GALNT13: variants seen among roughly 807,000 people sequenced by gnomAD.
The protein encoded by GALNT13 is UDP-GalNAc:polypeptide N-acetylgalactosaminyltransferase 13.
Under a neutral mutation model 64.2 loss-of-function variants are expected in GALNT13, and 28 were observed. The ratio of observed to expected loss-of-function variants is 0.44; its 90% CI spans 0.32 to 0.60. GALNT13 has a LOEUF of 0.60. Among genes scored for constraint, GALNT13 ranks in the 20% least tolerant of loss-of-function variants. The probability of loss-of-function intolerance (pLI) is 0.05; values close to 1 mark genes in which losing one functional copy is unlikely to be tolerated. For synonymous variants in GALNT13, 214 were observed against 224.6 expected (o/e 0.95, Z 0.42); for missense variants, 577 against 669.8 (o/e 0.86, Z 1.53).
intron 3 of GALNT13, among the ~76,000 whole-genome samples, chr2:153,964,532 T>C (rs1488529101): frequency 6.6e-6 from 1 of 152,156 alleles, no homozygotes; most frequent in Non-Finnish European, 1.5e-5. Context: ...ATAATTTAGT[T>C]ATGAATATTG....
intron 4 of GALNT13, among the ~76,000 whole-genome samples, chr2:154,180,430 A>G (rs995940648): frequency 6.6e-6 from 1 of 151,550 alleles, no homozygotes; most frequent in African/African-American, 2.4e-5. Context: ...CACTTATTTA[A>G]AAAAAAATAC....
chr2:154,445,758 T>C (rs764503085), intron 12 of GALNT13: 2 of 1,245,034 alleles, frequency 1.6e-6, no homozygotes, highest in South Asian at 2.6e-5. Flanking sequence ...TTTAACAGGA[T>C]TTATTGTCTG....
the GALNT13 span, among the ~76,000 whole-genome samples, chr2:153,768,605 C>G: frequency 1.3e-5 from 2 of 152,064 alleles, no homozygotes; most frequent in Non-Finnish European, 2.9e-5. Context: ...TGGCTCACAC[C>G]TGTAATCCCA....
At chr2:153,630,818 T>A in the GALNT13 span, among the ~76,000 whole-genome samples, 3 of 105,290 alleles carry the variant, frequency 2.8e-5, no homozygotes, top group African/African-American at 1.1e-4. Context: ...TTTTTTTTTT[T>A]TTTTTTATTA....
At chr2:154,441,779 C>G (rs1701310021) in intron 12 of GALNT13, 1 of 152,088 alleles carries the variant, frequency 6.6e-6, no homozygotes, top group Non-Finnish European at 1.5e-5. Context: ...AAGATGGAAT[C>G]TATCCAGCTA....
intron 3 of GALNT13, among the ~76,000 whole-genome samples, chr2:154,008,230 A>C (rs1696391686): frequency 6.6e-6 from 1 of 152,182 alleles, no homozygotes; most frequent in African/African-American, 2.4e-5. Context: ...TGCCCATTCA[A>C]TATGATGTTG....
At chr2:154,407,150 C>G (rs942642667) in intron 10 of GALNT13, among the ~76,000 whole-genome samples, 8 of 152,084 alleles carry the variant, frequency 5.3e-5, no homozygotes, top group African/African-American at 1.9e-4. Flanking sequence ...GCTGTAACCC[C>G]TGTAATTATT....
In GALNT13 at chr2:154,264,473, A is replaced by G. The variant is rs896276838; in HGVS notation, c.975+5335A>G. Among the ~76,000 whole-genome samples the G allele has an allele frequency of 2.7e-3, 413 of 151,008 alleles. 1 individual carries two copies. The highest frequency in any genetic ancestry group is 0.01 in the Middle Eastern group (3 of 294). On this transcript the variant is annotated intron_variant, in intron 8 of 12. Transcript: ENST00000392825. ...CTGTCCTTACTAAAAATACAAAAAA[A>G]AAAAAAAAAAAAAATTAGCTGGGCA...
At chr2:154,366,095 G>A (rs1006218458) in intron 9 of GALNT13, among the ~76,000 whole-genome samples, 2 of 151,984 alleles carry the variant, frequency 1.3e-5, no homozygotes, top group Admixed American at 1.3e-4. Context: ...CTGATTGTAT[G>A]AACATATATC....
At chr2:153,785,588 G>T in the GALNT13 span, among the ~76,000 whole-genome samples, 1,772 of 152,214 alleles carry the variant, frequency 0.012, 43 homozygotes, top group African/African-American at 0.04. Context: ...TGGCAGAGGG[G>T]CTTTCAATTG....
In GALNT13 at chr2:153,977,455, A is replaced by C. The variant is rs113486793; in HGVS notation, c.142+32816A>C. Among the ~76,000 whole-genome samples the C allele has an allele frequency of 2.8e-3, 419 of 152,306 alleles. 1 individual carries two copies. Among genetic ancestry groups the C allele is most frequent in the African/African-American group, 9.5e-3 (395 of 41,582 alleles). On this transcript the variant is annotated intron_variant, in intron 3 of 12. Transcript: ENST00000392825. ...GCAGCAGGAAGGGGTGGTGCTCAGCAAAGGGGGAAGCCCCTTATAAAACCA... is the reference window on the plus strand; with the variant it reads ...GCAGCAGGAAGGGGTGGTGCTCAGCCAAGGGGGAAGCCCCTTATAAAACCA...
chr2:154,269,801 A>G (rs1381282886), intron 8 of GALNT13, among the ~76,000 whole-genome samples: 1 of 150,206 alleles, frequency 6.7e-6, no homozygotes, highest in Middle Eastern at 3.4e-3. Flanking sequence ...TTTTCATTCA[A>G]AGAAGGGCTT....
At chr2:154,300,605 G>A (rs960392788) in intron 8 of GALNT13, among the ~76,000 whole-genome samples, 8 of 151,614 alleles carry the variant, frequency 5.3e-5, no homozygotes, top group Non-Finnish European at 1.0e-4. Flanking sequence ...ATAGTATTGT[G>A]TGTATGCACA....
chr2:153,649,987 G>C, the GALNT13 span, among the ~76,000 whole-genome samples: 5 of 152,054 alleles, frequency 3.3e-5, no homozygotes, highest in African/African-American at 1.2e-4. Flanking sequence ...GGTCTGCTTG[G>C]TGCCTAGCTG....
chr2:153,783,138 A>G, the GALNT13 span, among the ~76,000 whole-genome samples: 1 of 152,248 alleles, frequency 6.6e-6, no homozygotes, highest in Non-Finnish European at 1.5e-5. Context: ...GAGTGAAGCC[A>G]GTTCATATTG....
chr2:153,237,741 A>C, the GALNT13 span, among the ~76,000 whole-genome samples: 1 of 152,082 alleles, frequency 6.6e-6, no homozygotes, highest in African/African-American at 2.4e-5. Context: ...GTCAATAGCC[A>C]CATAGGTTGA....
At chr2:153,409,853 C>T in the GALNT13 span, among the ~76,000 whole-genome samples, 3 of 152,092 alleles carry the variant, frequency 2.0e-5, no homozygotes, top group Admixed American at 6.6e-5. Flanking sequence ...GAACTGAACA[C>T]ACACACACAT....
chr2:153,511,516 G>C, the GALNT13 span, among the ~76,000 whole-genome samples: 2 of 152,272 alleles, frequency 1.3e-5, no homozygotes, highest in South Asian at 4.1e-4. Context: ...GAATGCGTTA[G>C]AGGTCTGAGG....
At chr2:153,435,906 A>C in the GALNT13 span, among the ~76,000 whole-genome samples, 13 of 152,142 alleles carry the variant, frequency 8.5e-5, 1 homozygote, top group South Asian at 2.1e-4. Context: ...GTCTTGTGCC[A>C]GTTTTCAAAG....
Sources: allele counts gnomAD v4.1 joint callset (sites outside exome capture counted in the v4.1 genomes callset), GRCh38; gene constraint gnomAD v4.1.1; transcripts MANE v1.5; gene names NCBI Gene and HGNC (gene_info 2026-07-23, HGNC 2026-07-21).